Variants in CFAP20DC observed in about 807,000 individuals in gnomAD.
CFAP20DC encodes the protein protein CFAP20DC.
In CFAP20DC, 84 loss-of-function variants were observed where a neutral mutation model predicts 101.7. The observed-to-expected ratio is 0.83, with a 90% CI of 0.69 to 0.99. The LOEUF (loss-of-function observed/expected upper bound fraction) is 0.99, where lower values mean the gene tolerates loss of function less well. Among genes scored for constraint, CFAP20DC ranks in the 50% least tolerant of loss-of-function variants. The pLI is 0.00. For synonymous variants in CFAP20DC, 359 were observed against 351.2 expected (o/e 1.02, Z -0.25); for missense variants, 1,007 against 970.3 (o/e 1.04, Z -0.50).
intron 3 of CFAP20DC, among the ~76,000 whole-genome samples, chr3:59,041,320 G>GA (rs1339102816): frequency 6.6e-6 from 1 of 152,006 alleles, no homozygotes; most frequent in African/African-American, 2.4e-5. Context: ...CTCAAAAAAA[G>GA]AAAGTTTTGT....
At chr3:58,944,504 T>C (rs2089075090) in intron 4 of CFAP20DC, among the ~76,000 whole-genome samples, 1 of 152,192 alleles carries the variant, frequency 6.6e-6, no homozygotes, top group African/African-American at 2.4e-5. Context: ...CATGCAACAC[T>C]ATGCCGACTA....
intron 6 of CFAP20DC, among the ~76,000 whole-genome samples, chr3:58,889,695 T>C (rs2081989494): frequency 7.3e-6 from 1 of 137,426 alleles, no homozygotes; most frequent in Non-Finnish European, 1.6e-5. Context: ...CAGAGGACCC[T>C]GCGGCCTTCC....
At chr3:58,718,036 C>T (rs2067420840) in intron 3 of CFAP20DC, among the ~76,000 whole-genome samples, 1 of 152,174 alleles carries the variant, frequency 6.6e-6, no homozygotes, top group Admixed American at 6.5e-5. Context: ...TCAGTTTATC[C>T]ATTCATACTT....
At chr3:58,761,450 T>C (rs970800121) in intron 15 of CFAP20DC, among the ~76,000 whole-genome samples, 2 of 152,152 alleles carry the variant, frequency 1.3e-5, no homozygotes, top group Non-Finnish European at 2.9e-5. Flanking sequence ...GTCTTGCTAG[T>C]GGTCTATCAA....
chr3:58,851,575 G>T (rs1276664638), intron 12 of CFAP20DC, among the ~76,000 whole-genome samples: 1 of 152,012 alleles, frequency 6.6e-6, no homozygotes, highest in Non-Finnish European at 1.5e-5. Flanking sequence ...AAAGCTCCAG[G>T]AAATTAAAAG....
chr3:58,843,313 C>T (rs1039734804), intron 13 of CFAP20DC, among the ~76,000 whole-genome samples: 1 of 151,704 alleles, frequency 6.6e-6, no homozygotes, highest in African/African-American at 2.4e-5. Flanking sequence ...CAGAGAAGTG[C>T]TTAAAGGAGC....
At chr3:58,980,805 A>G (rs1467718994) in intron 4 of CFAP20DC, among the ~76,000 whole-genome samples, 1 of 152,228 alleles carries the variant, frequency 6.6e-6, no homozygotes, top group East Asian at 1.9e-4. Context: ...CAAGACAGGG[A>G]TGCCCTCTCT....
At chr3:58,900,920 T>C (rs538380988) in intron 6 of CFAP20DC, among the ~76,000 whole-genome samples, 46 of 152,342 alleles carry the variant, frequency 3.0e-4, no homozygotes, top group African/African-American at 1.0e-3. Flanking sequence ...TTAACACATA[T>C]GTAAAGCACT....
chr3:58,927,009 A>G (rs557423380), intron 5 of CFAP20DC, among the ~76,000 whole-genome samples: 5 of 152,360 alleles, frequency 3.3e-5, no homozygotes, highest in Admixed American at 2.0e-4. Context: ...AAATTACATT[A>G]AAGAAGTAAG....
intron 15 of CFAP20DC, among the ~76,000 whole-genome samples, chr3:58,791,248 T>A (rs1399702129): frequency 6.6e-6 from 1 of 152,162 alleles, no homozygotes; most frequent in East Asian, 1.9e-4. Context: ...ACCAATACTA[T>A]CATCACTTTC....
intron 10 of CFAP20DC, among the ~76,000 whole-genome samples, chr3:58,867,417 A>C (rs1369373161): frequency 1.3e-5 from 2 of 152,226 alleles, no homozygotes; most frequent in African/African-American, 4.8e-5. Flanking sequence ...GAGAGACAGC[A>C]AATATAAACA....
At chr3:58,944,314 G>A (rs2089044338) in intron 4 of CFAP20DC, among the ~76,000 whole-genome samples, 2 of 152,156 alleles carry the variant, frequency 1.3e-5, no homozygotes. Context: ...AATGTTAAGG[G>A]CAGCCAGAGA....
intron 16 of CFAP20DC, among the ~76,000 whole-genome samples, chr3:58,751,867 A>ACACAC (rs1553645550): frequency 3.7e-5 from 5 of 136,224 alleles, no homozygotes; most frequent in African/African-American, 1.0e-4. Flanking sequence ...ACACACACAC[A>ACACAC]AAATTTCCTC....
At position 58,859,141 on chromosome 3, in the gene CFAP20DC, A is replaced by T. The variant is rs1322793907; in HGVS notation, c.1593+4417T>A. Reference sequence around the variant, plus strand: ...TACGAGTTTGTAAACAAATAAAATAAAAGGAAGATACCACAGTTTTAAACA... The same window carrying T: ...TACGAGTTTGTAAACAAATAAAATATAAGGAAGATACCACAGTTTTAAACA... On this transcript the variant is annotated intron_variant, in intron 12 of 16. Coordinates refer to ENST00000482387, the MANE Select transcript of CFAP20DC (RefSeq NM_001394063.1). The surrounding 1 kb of genome is among the most constrained non-coding windows in gnomAD (Gnocchi z 4.1). Among the ~76,000 whole-genome samples the T allele has an allele frequency of 6.6e-6, 1 of 152,232 alleles. No individual in the cohort carries two copies. Among genetic ancestry groups the T allele is most frequent in the East Asian group, 1.9e-4 (1 of 5,196 alleles).
chr3:58,867,377 G>A (rs1303239452), intron 10 of CFAP20DC, among the ~76,000 whole-genome samples: 1 of 152,082 alleles, frequency 6.6e-6, no homozygotes, highest in Non-Finnish European at 1.5e-5. Flanking sequence ...TTTTAACCTA[G>A]AGTATAACAT....
chr3:59,012,376 T>C (rs553946016), intron 4 of CFAP20DC, among the ~76,000 whole-genome samples: 1 of 152,028 alleles, frequency 6.6e-6, no homozygotes, highest in Non-Finnish European at 1.5e-5. Flanking sequence ...TGAGGAAATA[T>C]GCTGAGAGAA....
At chr3:58,813,390 T>A (rs2074832962) in intron 14 of CFAP20DC, among the ~76,000 whole-genome samples, 1 of 151,936 alleles carries the variant, frequency 6.6e-6, no homozygotes, top group Admixed American at 6.6e-5. Flanking sequence ...GCGATTCTAA[T>A]AAGAAATCAT....
At chr3:59,033,457 A>G (rs2094034954) in intron 4 of CFAP20DC, among the ~76,000 whole-genome samples, 1 of 152,190 alleles carries the variant, frequency 6.6e-6, no homozygotes, top group South Asian at 2.1e-4. Context: ...CCTTGAAAAA[A>G]GGTTGGAGGA....
At chr3:58,833,084 T>A (rs1016237158) in intron 13 of CFAP20DC, among the ~76,000 whole-genome samples, 39 of 152,308 alleles carry the variant, frequency 2.6e-4, no homozygotes, top group African/African-American at 8.9e-4. Flanking sequence ...GTAAAAAATT[T>A]AAAAATACAT....
Sources: allele counts gnomAD v4.1 joint callset (sites outside exome capture counted in the v4.1 genomes callset), GRCh38; gene constraint gnomAD v4.1.1; non-coding constraint Gnocchi (gnomAD v3.1); transcripts MANE v1.5; gene names NCBI Gene and HGNC (gene_info 2026-07-23, HGNC 2026-07-21).